NF1: variants seen among roughly 807,000 people sequenced by gnomAD.
NF1 encodes neurofibromin.
Under a neutral mutation model 325.7 loss-of-function variants are expected in NF1, and 122 were observed. The observed-to-expected ratio is 0.37, with a 90% CI of 0.32 to 0.44. NF1 has a LOEUF of 0.44. NF1 is among the 20% of genes least tolerant of loss of function. NF1 has a pLI of 1.00. For missense variants in NF1, 2,140 were observed against 3,415.4 expected, an observed-to-expected ratio of 0.63 and a Z score of 9.31; for synonymous variants, 1,091 against 1,186.0, an observed-to-expected ratio of 0.92 and a Z score of 1.65.
chr17:31,177,635 G>A (rs771352162), intron 5 of NF1, among the ~76,000 whole-genome samples: 6 of 151,936 alleles, frequency 3.9e-5, no homozygotes, highest in African/African-American at 4.8e-5. Context: ...AAGGTTAGAC[G>A]AATTGCTGAC....
rs774806150 is a variant in NF1, at chr17:31,225,175, A to G, written c.1926A>G (p.Gln642=). The part of the protein sequence containing the change: ...CDIPSSGNTS[Q]MSMDHEELLR... ...TTCCTTCTAGTGGAAATACCAGTCA[A>G]ATGTCCATGGATCATGAAGAATTAC... The change falls in exon 17 of 58, where the codon CAA becomes CAG. Residue 642 remains glutamine, a synonymous_variant. Coordinates refer to ENST00000358273, the MANE Select transcript of NF1 (RefSeq NM_001042492.3). The G allele has an allele frequency of 5.6e-6, 9 of 1,613,774 alleles. No individual in the cohort carries two copies. In the African/African-American group the frequency reaches 6.7e-5, roughly 12 times the overall value.
chr17:31,230,240 T>A lies in NF1; in HGVS notation c.2991-20T>A, dbSNP rs374614629. 1.2e-6 allele frequency: 2 copies of A among 1,612,664 alleles called. No homozygotes were observed. Among genetic ancestry groups the A allele is most frequent in the Non-Finnish European group, 1.7e-6 (2 of 1,178,986 alleles). On this transcript the variant is annotated intron_variant, in intron 22 of 57. Transcript: ENST00000358273. ...TTGTCTATATCTGATAATTTTTTTA[T>A]TGTTTCTATGTCTATATAGGTATGT...
At chr17:31,138,268 C>T (rs546500341) in intron 1 of NF1, 3 of 150,798 alleles carry the variant, frequency 2.0e-5, no homozygotes, top group East Asian at 1.9e-4. Flanking sequence ...TTCTTTCTTT[C>T]TTTCTTTTTT....
At chr17:31,208,901 A>G (rs1173635277) in intron 12 of NF1, among the ~76,000 whole-genome samples, 1 of 152,140 alleles carries the variant, frequency 6.6e-6, no homozygotes, top group South Asian at 2.1e-4. Flanking sequence ...CAAAAAAAAA[A>G]TCAAACAAAA....
intron 36 of NF1, among the ~76,000 whole-genome samples, chr17:31,324,646 C>G: frequency 6.6e-6 from 1 of 152,058 alleles, no homozygotes; most frequent in East Asian, 1.9e-4. Context: ...GCTGCAGCCT[C>G]TGCCTCCCAG....
intron 51 of NF1, among the ~76,000 whole-genome samples, chr17:31,353,418 G>A (rs1486808149): frequency 1.3e-5 from 2 of 152,204 alleles, no homozygotes; most frequent in Non-Finnish European, 2.9e-5. Context: ...GATTGCTCGA[G>A]TCCAGGAGTT....
chr17:31,227,400 C>G, intron 19 of NF1, 109 bp downstream of exon 19: 1 of 1,416,302 alleles, frequency 7.1e-7, no homozygotes, highest in Non-Finnish European at 1.0e-6. Flanking sequence ...ATCCAAGATA[C>G]GTGCATATTA....
chr17:31,151,077 A>G (rs977382742), intron 1 of NF1, among the ~76,000 whole-genome samples: 15 of 152,100 alleles, frequency 9.9e-5, no homozygotes, highest in African/African-American at 2.9e-4. Flanking sequence ...GTGATGCTCC[A>G]CATAATGACA....
Position 31,123,822 on chromosome 17 carries a change from G to A in NF1, c.60+28453G>A, listed in dbSNP as rs140768954. 3.8e-3 allele frequency among the ~76,000 whole-genome samples: 584 copies of A among 152,276 alleles called. 1 individual carries two copies. Among genetic ancestry groups the A allele is most frequent in the Non-Finnish European group, 6.4e-3 (437 of 68,028 alleles). On this transcript the variant is annotated intron_variant, in intron 1 of 57. Coordinates refer to ENST00000358273, the MANE Select transcript of NF1 (RefSeq NM_001042492.3). ...AACATTCCTTTAAGCAAGGTTGAAT[G>A]TACCAGCTTGGGCGATAGTGGCAAG...
chr17:31,321,012 G>A (rs947220651), intron 36 of NF1: 10 of 152,210 alleles, frequency 6.6e-5, no homozygotes, highest in African/African-American at 1.9e-4. Context: ...GTACTGCAGT[G>A]CCCAAATAAA....
chr17:31,224,569 CTA>C (rs1176831440), intron 16 of NF1, among the ~76,000 whole-genome samples: 1 of 152,086 alleles, frequency 6.6e-6, no homozygotes, highest in African/African-American at 2.4e-5. Context: ...ATGGCCTCGC[CTA>C]TGGTATAATC....
intron 36 of NF1, among the ~76,000 whole-genome samples, chr17:31,310,420 A>AT (rs2068839258): frequency 6.7e-6 from 1 of 148,218 alleles, no homozygotes; most frequent in South Asian, 2.3e-4. Flanking sequence ...AGTAGGCAAA[A>AT]TGAAGTTGGG....
chr17:31,127,288 C>T (rs4795576), intron 1 of NF1, among the ~76,000 whole-genome samples: 2,210 of 151,994 alleles, frequency 0.015, 30 homozygotes, highest in Non-Finnish European at 0.024. Context: ...TATTGATTTC[C>T]GCAAAAAATG....
At chr17:31,100,945 G>C (rs779498697) in intron 1 of NF1, among the ~76,000 whole-genome samples, 1 of 152,072 alleles carries the variant, frequency 6.6e-6, no homozygotes, top group African/African-American at 2.4e-5. Context: ...CACCTTATCT[G>C]TCTGGGAACT....
At chr17:31,361,663 G>A (rs2070403919) in intron 57 of NF1, 2 of 152,210 alleles carry the variant, frequency 1.3e-5, no homozygotes, top group South Asian at 2.1e-4. Context: ...TCTTTTAAGT[G>A]TTAGCATAAA....
chr17:31,210,349 G>A (rs1241001530), intron 12 of NF1, among the ~76,000 whole-genome samples: 1 of 152,162 alleles, frequency 6.6e-6, no homozygotes, highest in Non-Finnish European at 1.5e-5. Context: ...TAGGGAGGCC[G>A]GGGCGGGCAG....
intron 20 of NF1, 23 bp downstream of exon 20, chr17:31,227,629 T>G (rs2067040100): frequency 1.9e-6 from 3 of 1,598,628 alleles, no homozygotes; most frequent in South Asian, 2.2e-5. Context: ...AGTTGACTTT[T>G]GTCTGTTAAC....
In NF1 at chr17:31,283,532, C is replaced by T. The variant is rs530354856; in HGVS notation, c.4835+18193C>T. 3.3e-5 allele frequency among the ~76,000 whole-genome samples: 5 copies of T among 152,238 alleles called. No homozygotes were observed. In the South Asian group the frequency reaches 6.2e-4, roughly 19 times the overall value. On this transcript the variant is annotated intron_variant, in intron 36 of 57. Transcript: ENST00000358273. ...GCAGTGACGCAGTCACAGCTCACTA[C>T]AGCCTCAGCCTCCCTGGGCTCAAGT... is the stretch of plus-strand genomic sequence containing the variant.
At chr17:31,105,673 C>T (rs1335783221) in intron 1 of NF1, among the ~76,000 whole-genome samples, 1 of 152,076 alleles carries the variant, frequency 6.6e-6, no homozygotes, top group African/African-American at 2.4e-5. Context: ...CGCCACCATG[C>T]CCAGCTGATT....
Sources: allele counts gnomAD v4.1 joint callset (sites outside exome capture counted in the v4.1 genomes callset), GRCh38; gene constraint gnomAD v4.1.1; transcripts MANE v1.5; gene names NCBI Gene and HGNC (gene_info 2026-07-23, HGNC 2026-07-21).